Variants in PRDM5 observed in about 807,000 individuals in gnomAD.
PRDM5 encodes PR/SET domain 5.
In PRDM5, 56 loss-of-function variants were observed where a neutral mutation model predicts 81.2. The observed-to-expected ratio is 0.69, with a 90% CI of 0.56 to 0.86. The LOEUF is 0.86. PRDM5 is among the 40% of genes least tolerant of loss of function. PRDM5 has a pLI of 0.00. For synonymous variants in PRDM5, 267 were observed against 256.4 expected (o/e 1.04, Z -0.39); for missense variants, 697 against 770.1 (o/e 0.91, Z 1.12).
intron 14 of PRDM5, among the ~76,000 whole-genome samples, chr4:120,748,959 G>T (rs1743567217): frequency 6.6e-6 from 1 of 152,090 alleles, no homozygotes; most frequent in Non-Finnish European, 1.5e-5. Flanking sequence ...TGGAATATAA[G>T]AAGTTCCACT....
At chr4:120,915,709 A>G (rs1362624959) in intron 1 of PRDM5, among the ~76,000 whole-genome samples, 2 of 152,146 alleles carry the variant, frequency 1.3e-5, no homozygotes, top group African/African-American at 2.4e-5. Flanking sequence ...CACAACCATC[A>G]AAGGACTCCT....
At chr4:120,748,872 T>C (rs925261068) in intron 14 of PRDM5, among the ~76,000 whole-genome samples, 3 of 151,982 alleles carry the variant, frequency 2.0e-5, no homozygotes, top group African/African-American at 7.3e-5. Context: ...AGAGAAACCA[T>C]AGCAAAACGG....
chr4:120,908,529 C>T lies in PRDM5; in HGVS notation c.94-972G>A, dbSNP rs181994612. The stretch of plus-strand genomic sequence containing the variant: ...AAATTACTTAATGAACAACAGAACA[C>T]CCAACTCCTGAGAACAGTAAAATTT... On this transcript the variant is annotated intron_variant, in intron 1 of 15. Coordinates refer to ENST00000264808, the MANE Select transcript of PRDM5 (RefSeq NM_018699.4). Among the ~76,000 whole-genome samples, 195 of 152,264 alleles carry T rather than the reference C, an allele frequency of 1.3e-3. 3 individuals are homozygous for T. The highest frequency in any genetic ancestry group is 4.5e-3 in the African/African-American group (189 of 41,542).
intron 2 of PRDM5, among the ~76,000 whole-genome samples, chr4:120,857,802 G>A (rs146035902): frequency 5.9e-5 from 9 of 152,260 alleles, no homozygotes; most frequent in Middle Eastern, 3.4e-3. Flanking sequence ...GTTAAATTGG[G>A]TCAACTATAG....
chr4:120,769,442 A>C (rs1746908892), intron 13 of PRDM5, among the ~76,000 whole-genome samples: 1 of 152,120 alleles, frequency 6.6e-6, no homozygotes, highest in South Asian at 2.1e-4. Flanking sequence ...TGGAGACTGG[A>C]GAAAAGCGAA....
intron 13 of PRDM5, among the ~76,000 whole-genome samples, chr4:120,771,687 G>A (rs1747319206): frequency 6.6e-6 from 1 of 152,016 alleles, no homozygotes; most frequent in South Asian, 2.1e-4. Context: ...GATAAAGCTG[G>A]AAGAAATAAA....
intron 13 of PRDM5, among the ~76,000 whole-genome samples, chr4:120,758,382 C>T (rs1330980620): frequency 3.9e-5 from 6 of 152,114 alleles, no homozygotes; most frequent in East Asian, 1.9e-4. Flanking sequence ...TGTTTAAATC[C>T]TAAACCCCAG....
At chr4:120,761,711 C>T (rs932441853) in intron 13 of PRDM5, among the ~76,000 whole-genome samples, 1 of 152,066 alleles carries the variant, frequency 6.6e-6, no homozygotes, top group African/African-American at 2.4e-5. Flanking sequence ...TCTATGTTTA[C>T]AATACATGAA....
rs866567571 is a variant in PRDM5, at chr4:120,692,615, A to G, written c.*2496T>C. The stretch of plus-strand genomic sequence containing the variant: ...AAGAAGACAGTTATTATAAAAGGGT[A>G]TCTGAACCCACCTACATTATTGAAC... On this transcript the variant is annotated 3_prime_UTR_variant, in exon 16 of 16. Transcript: ENST00000264808. 3.0e-4 allele frequency: 45 copies of G among 152,136 alleles called. No homozygotes were observed. The highest frequency in any genetic ancestry group is 9.6e-4 in the African/African-American group (40 of 41,454). 9.4% of individuals were successfully genotyped at this position (152,136 alleles called of 1,614,324 possible).
intron 3 of PRDM5, among the ~76,000 whole-genome samples, chr4:120,825,739 C>T (rs1006686782): frequency 9.2e-5 from 14 of 152,054 alleles, no homozygotes; most frequent in Admixed American, 6.6e-4. Context: ...ATAAATCTGC[C>T]TGCCTAGTAG....
In PRDM5 at chr4:120,798,249, A is replaced by G; in HGVS notation, c.1188+18T>C. 1 of 1,471,840 alleles carries G rather than the reference A, an allele frequency of 6.8e-7. No homozygotes were observed. Among genetic ancestry groups the G allele is most frequent in the Non-Finnish European group, 9.1e-7 (1 of 1,097,702 alleles). The allele number at this position is 1,471,840 out of a possible 1,614,324, so 91.2% of individuals were successfully genotyped here. On this transcript the variant is annotated intron_variant, in intron 10 of 15. Transcript: ENST00000264808. ...CAGCAAATTCATAAAAAATAATAAT[A>G]ATATTAATAAGTTTTACCTTCTTAT...
intron 13 of PRDM5, among the ~76,000 whole-genome samples, chr4:120,760,434 T>G (rs1745439373): frequency 6.6e-6 from 1 of 152,188 alleles, no homozygotes; most frequent in South Asian, 2.1e-4. Context: ...TTGGTAAATA[T>G]GTCATACCAT....
chr4:120,736,829 G>A (rs921703847), intron 14 of PRDM5, among the ~76,000 whole-genome samples: 5 of 152,204 alleles, frequency 3.3e-5, no homozygotes, highest in Admixed American at 3.3e-4. Context: ...CTCTGGCACA[G>A]TGACATATTA....
chr4:120,789,835 T>C (rs779625478), intron 10 of PRDM5, among the ~76,000 whole-genome samples: 2 of 152,138 alleles, frequency 1.3e-5, no homozygotes, highest in African/African-American at 4.8e-5. Context: ...TCACTCCACA[T>C]AGAGAAGTTA....
chr4:120,704,926 T>C (rs1735897663), intron 15 of PRDM5, among the ~76,000 whole-genome samples: 1 of 152,166 alleles, frequency 6.6e-6, no homozygotes, highest in South Asian at 2.1e-4. Flanking sequence ...AGCTAAAGAT[T>C]AGATGTCACT....
rs1553997142 is a variant in PRDM5, at chr4:120,863,175, A to AATAT, written c.178-9639_178-9636dup. On this transcript the variant is annotated intron_variant, in intron 2 of 15. Coordinates refer to ENST00000264808, the MANE Select transcript of PRDM5 (RefSeq NM_018699.4). ...TCTGTCTAAAAAAAAAAAAAAAAAAAATATATATATATATATACACACACA... is the reference window on the plus strand; with the variant it reads ...TCTGTCTAAAAAAAAAAAAAAAAAAAATATATATATATATATATATACACACACA... Among the ~76,000 whole-genome samples the AATAT allele has an allele frequency of 6.1e-4, 37 of 60,668 alleles. 2 individuals are homozygous for AATAT. Among genetic ancestry groups the AATAT allele is most frequent in the East Asian group, 4.8e-3 (8 of 1,654 alleles). 39.8% of individuals were successfully genotyped at this position (60,668 alleles called of 152,430 possible).
intron 15 of PRDM5, among the ~76,000 whole-genome samples, chr4:120,697,668 CTATT>C (rs1553941904): frequency 7.0e-5 from 3 of 42,872 alleles, no homozygotes; most frequent in African/African-American, 1.1e-4. Flanking sequence ...GCCCAGCTAA[CTATT>C]TTTTTTTTTT....
intron 13 of PRDM5, 57 bp from the exon 14 acceptor site, chr4:120,754,695 G>A: frequency 8.3e-7 from 1 of 1,200,332 alleles, no homozygotes; most frequent in Non-Finnish European, 1.2e-6. Context: ...AACCAGTCCT[G>A]TGCTATCACT....
chr4:120,733,509 G>A (rs959323661), intron 14 of PRDM5, among the ~76,000 whole-genome samples: 1 of 152,118 alleles, frequency 6.6e-6, no homozygotes, highest in Admixed American at 6.5e-5. Flanking sequence ...ATCCAATTCA[G>A]ACTTCCTCAG....
Sources: gnomAD v4.1 joint callset for allele counts (sites outside exome capture counted in the v4.1 genomes callset) on GRCh38, gnomAD v4.1.1 for gene constraint, MANE v1.5 for transcripts, NCBI Gene and HGNC (gene_info 2026-07-23, HGNC 2026-07-21) for gene names.